SIPA1L2: variants seen among roughly 807,000 people sequenced by gnomAD.
SIPA1L2 encodes the protein signal-induced proliferation-associated 1-like protein 2.
Under a neutral mutation model 163.9 loss-of-function variants are expected in SIPA1L2, and 56 were observed. The ratio of observed to expected loss-of-function variants is 0.34; its 90% CI spans 0.28 to 0.43. The LOEUF (loss-of-function observed/expected upper bound fraction) is 0.43. Among genes scored for constraint, SIPA1L2 ranks in the 20% least tolerant of loss-of-function variants. SIPA1L2 has a pLI of 1.00. For missense variants in SIPA1L2, 1,974 were observed against 2,193.5 expected, an observed-to-expected ratio of 0.90 and a Z score of 2.00; for synonymous variants, 877 against 865.7, an observed-to-expected ratio of 1.01 and a Z score of -0.23.
intron 2 of SIPA1L2, among the ~76,000 whole-genome samples, chr1:232,537,896 T>C (rs1402863575): frequency 6.6e-6 from 1 of 152,238 alleles, no homozygotes; most frequent in African/African-American, 2.4e-5. Flanking sequence ...ATATAACCTT[T>C]CTACCTCTAA....
At chr1:232,604,320 T>G (rs961851176) in intron 1 of SIPA1L2, among the ~76,000 whole-genome samples, 3 of 152,232 alleles carry the variant, frequency 2.0e-5, no homozygotes, top group African/African-American at 7.2e-5. Context: ...TATAGTCTGT[T>G]GTATTCATTT....
intron 10 of SIPA1L2, among the ~76,000 whole-genome samples, chr1:232,448,057 T>C (rs1386744234): frequency 6.6e-6 from 1 of 152,198 alleles, no homozygotes; most frequent in East Asian, 1.9e-4. Context: ...AGTTGCTCTC[T>C]TAAACTGGCA....
rs998551454 is a variant in SIPA1L2, at chr1:232,594,513, T to G, written c.-318-20291A>C. Among the ~76,000 whole-genome samples, 8 of 152,202 alleles carry G rather than the reference T, an allele frequency of 5.3e-5. No homozygotes were observed. The East Asian group carries it at 1.6e-3, about 30-fold the overall frequency. ...CCCACAGCCATCGCTCTGTCTGGAG[T>G]AGCTATGGCCAGACAGTTTTTATTT... On this transcript the variant is annotated intron_variant, in intron 1 of 22. Transcript: ENST00000674635.
chr1:232,491,721 G>A (rs1665939904), intron 4 of SIPA1L2, among the ~76,000 whole-genome samples: 1 of 152,158 alleles, frequency 6.6e-6, no homozygotes, highest in South Asian at 2.1e-4. Flanking sequence ...CATAAATCAA[G>A]AGAACTGGTT....
chr1:232,543,831 G>A (rs747867541), intron 2 of SIPA1L2, among the ~76,000 whole-genome samples: 17 of 152,176 alleles, frequency 1.1e-4, no homozygotes, highest in Admixed American at 2.0e-4. Flanking sequence ...TTACACCACT[G>A]CACTCCAGAC....
At chr1:232,485,676 C>T (rs891449999) in intron 5 of SIPA1L2, among the ~76,000 whole-genome samples, 2 of 152,218 alleles carry the variant, frequency 1.3e-5, no homozygotes, top group African/African-American at 4.8e-5. Flanking sequence ...ATGTTCGTGA[C>T]ATCTGTGATT....
intron 19 of SIPA1L2, among the ~76,000 whole-genome samples, chr1:232,411,097 T>C (rs1361255211): frequency 6.6e-6 from 1 of 152,120 alleles, no homozygotes; most frequent in Non-Finnish European, 1.5e-5. Flanking sequence ...TTAAGGAGGG[T>C]GTTCTGAGCT....
intron 1 of SIPA1L2, among the ~76,000 whole-genome samples, chr1:232,625,389 A>G (rs1663020591): frequency 6.6e-6 from 1 of 152,236 alleles, no homozygotes; most frequent in Non-Finnish European, 1.5e-5. Flanking sequence ...TAATATAATC[A>G]AATTCTAAAA....
chr1:232,584,234 T>TC (rs1405518804), intron 1 of SIPA1L2, among the ~76,000 whole-genome samples: 1 of 146,474 alleles, frequency 6.8e-6, no homozygotes, highest in Non-Finnish European at 1.5e-5. Context: ...TAGTCCAATC[T>TC]TTTTTTTTTT....
intron 18 of SIPA1L2, among the ~76,000 whole-genome samples, chr1:232,424,919 T>G (rs919405384): frequency 1.3e-5 from 2 of 151,822 alleles, no homozygotes; most frequent in African/African-American, 4.8e-5. Flanking sequence ...AAGGCTAACA[T>G]AAAAAAAAGT....
chr1:232,519,896 C>T (rs980234569), intron 2 of SIPA1L2, among the ~76,000 whole-genome samples: 4 of 152,178 alleles, frequency 2.6e-5, no homozygotes, highest in Non-Finnish European at 4.4e-5. Flanking sequence ...TAAGCTGGTA[C>T]AGCTTGAGGA....
At chr1:232,542,935 G>A (rs811528) in intron 2 of SIPA1L2, among the ~76,000 whole-genome samples, 15,703 of 152,158 alleles carry the variant, frequency 0.1, 1,946 homozygotes, top group African/African-American at 0.29. Flanking sequence ...ATTTGCACAT[G>A]ACAAAAATCA....
chr1:232,515,313 T>C lies in SIPA1L2; in HGVS notation c.27A>G (p.Glu9=), dbSNP rs371465485. Reference sequence around the variant, plus strand: ...AGGCTCTGCCTAGCTTGTGCTTCTCTTCTTGTGACTGCCTTGGGTCACTCA... The same window carrying C: ...AGGCTCTGCCTAGCTTGTGCTTCTCCTCTTGTGACTGCCTTGGGTCACTCA... MSDPRQSQ[E]EKHKLGRASS... The change falls in exon 3 of 23, where the codon GAA becomes GAG. Residue 9 remains glutamate, a synonymous_variant. Coordinates refer to ENST00000674635, the MANE Select transcript of SIPA1L2 (RefSeq NM_020808.5). 21 of 1,605,406 alleles carry C rather than the reference T, an allele frequency of 1.3e-5. 1 individual carries two copies. Among genetic ancestry groups the C allele is most frequent in the African/African-American group, 1.1e-4 (8 of 74,700 alleles).
chr1:232,606,796 A>G (rs912202304), intron 1 of SIPA1L2, among the ~76,000 whole-genome samples: 2 of 151,910 alleles, frequency 1.3e-5, no homozygotes, highest in African/African-American at 4.8e-5. Context: ...GACATATAAG[A>G]CCAGCAAATA....
chr1:232,523,018 G>C (rs977814553), intron 2 of SIPA1L2, among the ~76,000 whole-genome samples: 5 of 152,326 alleles, frequency 3.3e-5, no homozygotes, highest in African/African-American at 9.6e-5. Context: ...AGCTGAGTGA[G>C]TTGCCCAAAA....
chr1:232,536,481 C>A (rs753122840), intron 2 of SIPA1L2, among the ~76,000 whole-genome samples: 39 of 152,196 alleles, frequency 2.6e-4, no homozygotes, highest in Non-Finnish European at 4.6e-4. Flanking sequence ...GAACTACTTT[C>A]TTCTCACCCT....
intron 2 of SIPA1L2, among the ~76,000 whole-genome samples, chr1:232,525,153 T>G (rs192605349): frequency 1.5e-3 from 209 of 135,640 alleles, no homozygotes; most frequent in African/African-American, 6.4e-3. Context: ...TAATTTAACG[T>G]TTTTTTTTTA....
At chr1:232,452,183 T>C (rs1663623628) in intron 10 of SIPA1L2, among the ~76,000 whole-genome samples, 2 of 151,904 alleles carry the variant, frequency 1.3e-5, no homozygotes, top group Admixed American at 6.6e-5. Flanking sequence ...GGGACACTCA[T>C]TAACTTATTC....
chr1:232,514,050 G>A lies in SIPA1L2; in HGVS notation c.1290C>T (p.Asn430=). The A allele has an allele frequency of 6.2e-7, 1 of 1,614,210 alleles. No individual in the cohort carries two copies. Among genetic ancestry groups the A allele is most frequent in the Non-Finnish European group, 8.5e-7 (1 of 1,180,028 alleles). The change falls in exon 3 of 23, where the codon AAC becomes AAT. Residue 430 remains asparagine (N), a synonymous_variant. Transcript: ENST00000674635. ...TTTCCCCAGAACTGAAAGAGGATGAGTTGGCTCGAGAGAGCGCAATCCGCC... is the reference window on the plus strand; with the variant it reads ...TTTCCCCAGAACTGAAAGAGGATGAATTGGCTCGAGAGAGCGCAATCCGCC... ...GDRRIALSRA[N]SSSFSSGESC...
Sources: gnomAD v4.1 joint callset for allele counts (sites outside exome capture counted in the v4.1 genomes callset) on GRCh38, gnomAD v4.1.1 for gene constraint, MANE v1.5 for transcripts, NCBI Gene and HGNC (gene_info 2026-07-23, HGNC 2026-07-21) for gene names.